The following FNIP2 variants were observed in gnomAD, a reference collection of about 807,000 sequenced individuals.
The protein encoded by FNIP2 is folliculin-interacting protein 2.
A neutral mutation model predicts 108.7 loss-of-function variants in FNIP2; 32 were observed. The observed-to-expected ratio is 0.29, with a 90% CI of 0.22 to 0.40. The LOEUF is 0.40. Ranked by LOEUF, FNIP2 falls within the 10% of genes least tolerant of loss-of-function variation. FNIP2 has a pLI of 1.00. For synonymous variants in FNIP2, 480 were observed against 496.7 expected, an observed-to-expected ratio of 0.97 and a Z score of 0.45; for missense variants, 1,202 against 1,381.6, an observed-to-expected ratio of 0.87 and a Z score of 2.06.
chr4:158,836,807 G>A (rs890598756), intron 7 of FNIP2: 5 of 81,792 alleles, frequency 6.1e-5, no homozygotes, highest in Admixed American at 6.0e-4. Flanking sequence ...CAGAGACTCC[G>A]TCTCAAAAAA....
intron 12 of FNIP2, among the ~76,000 whole-genome samples, chr4:158,864,209 A>T (rs557587514): frequency 6.6e-6 from 1 of 152,088 alleles, no homozygotes; most frequent in East Asian, 1.9e-4. Context: ...AATTTTTGTA[A>T]AGGCAGAGTT....
chr4:158,783,506 G>A (rs35723165), intron 1 of FNIP2, among the ~76,000 whole-genome samples: 1 of 152,054 alleles, frequency 6.6e-6, no homozygotes, highest in African/African-American at 2.4e-5. Flanking sequence ...TTTATTACCT[G>A]TCTGTTCTGA....
At chr4:158,831,034 G>A (rs780874412) in intron 3 of FNIP2, among the ~76,000 whole-genome samples, 1 of 152,198 alleles carries the variant, frequency 6.6e-6, no homozygotes, top group Non-Finnish European at 1.5e-5. Context: ...CGGGCAGTTA[G>A]TAGGGTTGAC....
intron 7 of FNIP2, among the ~76,000 whole-genome samples, chr4:158,846,945 C>T (rs978152609): frequency 5.9e-5 from 9 of 152,150 alleles, no homozygotes; most frequent in African/African-American, 2.2e-4. Flanking sequence ...ATCCCCTGGA[C>T]GTGTGGTGCA....
At chr4:158,786,166 T>C (rs1251518045) in intron 1 of FNIP2, among the ~76,000 whole-genome samples, 1 of 152,226 alleles carries the variant, frequency 6.6e-6, no homozygotes, top group Non-Finnish European at 1.5e-5. Context: ...ATGACCAGTC[T>C]CGTCCGGATT....
In FNIP2 at chr4:158,813,534, A is replaced by G. The variant is rs75251247; in HGVS notation, c.108-12382A>G. 3.6e-3 allele frequency among the ~76,000 whole-genome samples: 544 copies of G among 152,136 alleles called. 2 individuals are homozygous for G. Among genetic ancestry groups the G allele is most frequent in the African/African-American group, 0.012 (515 of 41,492 alleles). ...GCCCATTTTTTCATCAGTTGGTTTG[A>G]TTTCTTACTGAGTTTTAACTGTTCT... On this transcript the variant is annotated intron_variant, in intron 1 of 16. Coordinates refer to ENST00000264433, the MANE Select transcript of FNIP2 (RefSeq NM_020840.3).
chr4:158,811,076 C>A (rs943788744), intron 1 of FNIP2, among the ~76,000 whole-genome samples: 1 of 152,174 alleles, frequency 6.6e-6, no homozygotes, highest in African/African-American at 2.4e-5. Context: ...AAGATTATAA[C>A]TGTCAAAAGT....
At chr4:158,840,133 A>C (rs1318624443) in intron 7 of FNIP2, among the ~76,000 whole-genome samples, 1 of 152,138 alleles carries the variant, frequency 6.6e-6, no homozygotes, top group Non-Finnish European at 1.5e-5. Flanking sequence ...CAGGTTATGG[A>C]GGAGGAAGGA....
Position 158,869,073 on chromosome 4 carries a change from C to T in FNIP2, c.2437C>T (p.Leu813Phe). ...CATGGCAGCAGATATTGCTGGGCAGCTCAGCCACGCTGCTGACTTGGGCAC... is the reference window on the plus strand; with the variant it reads ...CATGGCAGCAGATATTGCTGGGCAGTTCAGCCACGCTGCTGACTTGGGCAC... Reference protein sequence around the residue: ...NDMAADIAGQLSHAADLGTAS... With the variant: ...NDMAADIAGQFSHAADLGTAS... Residue 813 changes from leucine to phenylalanine, a missense_variant, in exon 13 of 17, where the codon CTC (leucine) becomes TTC (phenylalanine). Around this residue, in one of 5 missense-constraint regions of FNIP2, gnomAD observed 878 missense variants for 990.3 expected, o/e 0.89. Transcript: ENST00000264433. 1.2e-6 allele frequency: 2 copies of T among 1,614,000 alleles called. No homozygotes were observed. Among genetic ancestry groups the T allele is most frequent in the Non-Finnish European group, 1.7e-6 (2 of 1,179,886 alleles).
At chr4:158,862,704 ATT>A (rs2126683235) in intron 12 of FNIP2, among the ~76,000 whole-genome samples, 1 of 152,332 alleles carries the variant, frequency 6.6e-6, no homozygotes, top group East Asian at 1.9e-4. Flanking sequence ...AATTGCCCTG[ATT>A]TGATCATTAC....
chr4:158,890,156 T>G, intron 14 of FNIP2: 1 of 985,188 alleles, frequency 1.0e-6, no homozygotes, highest in Non-Finnish European at 1.2e-6. Context: ...TCTCTCATGT[T>G]TAAAATTATT....
chr4:158,870,462 C>T lies in FNIP2; in HGVS notation c.2942C>T (p.Thr981Ile), dbSNP rs1304807345. The change falls in exon 14 of 17, where the codon ACA (threonine) becomes ATA (isoleucine). Residue 981 changes from threonine to isoleucine, a missense_variant. Physicochemically the swap from Thr to Ile is moderately conservative, Grantham distance 89. Around this residue, in one of 5 missense-constraint regions of FNIP2, gnomAD observed 142 missense variants for 183.8 expected, o/e 0.77. Transcript: ENST00000264433. ...KQCLVADLVH[T>I]VHHPVLDEPI... is the part of the protein sequence containing the mutation. Reference sequence around the variant, plus strand: ...TGCCTGGTGGCCGACCTTGTCCACACAGTCCATGTAAGTGATCCCAGTGTG... The same window carrying T: ...TGCCTGGTGGCCGACCTTGTCCACATAGTCCATGTAAGTGATCCCAGTGTG... The T allele has an allele frequency of 1.2e-6, 2 of 1,609,816 alleles. No homozygotes were observed. The highest frequency in any genetic ancestry group is 1.7e-6 in the Non-Finnish European group (2 of 1,177,702).
intron 14 of FNIP2, chr4:158,872,853 C>A (rs2126717384): frequency 4.2e-6 from 3 of 719,434 alleles, no homozygotes; most frequent in Non-Finnish European, 1.7e-6. Flanking sequence ...CTCCATAAAG[C>A]CTAGTGAATA....
chr4:158,864,064 C>T (rs1026456638), intron 12 of FNIP2, among the ~76,000 whole-genome samples: 4 of 152,098 alleles, frequency 2.6e-5, no homozygotes, highest in Admixed American at 6.6e-5. Context: ...GACAGAGTCT[C>T]GCTCTGTCAC....
At chr4:158,881,705 G>C (rs1166447505) in intron 14 of FNIP2, among the ~76,000 whole-genome samples, 1 of 152,172 alleles carries the variant, frequency 6.6e-6, no homozygotes, top group African/African-American at 2.4e-5. Context: ...TGCCAGCCTC[G>C]GCCTCCCGAG....
At chr4:158,770,637 A>G (rs991705975) in intron 1 of FNIP2, among the ~76,000 whole-genome samples, 3 of 152,156 alleles carry the variant, frequency 2.0e-5, no homozygotes, top group African/African-American at 7.2e-5. Context: ...TGTTTTCTTT[A>G]GGCTAACAAG....
chr4:158,832,770 T>A (rs2347078), intron 5 of FNIP2, among the ~76,000 whole-genome samples: 1 of 152,086 alleles, frequency 6.6e-6, no homozygotes, highest in Non-Finnish European at 1.5e-5. Flanking sequence ...TATGAGAATT[T>A]TTATTTATTT....
chr4:158,800,965 A>G (rs1776741701), intron 1 of FNIP2, among the ~76,000 whole-genome samples: 1 of 152,206 alleles, frequency 6.6e-6, no homozygotes, highest in Non-Finnish European at 1.5e-5. Flanking sequence ...TCTAGATTAT[A>G]ATTAGGAACT....
chr4:158,848,579 A>G (rs1379296095), intron 7 of FNIP2, among the ~76,000 whole-genome samples: 1 of 152,166 alleles, frequency 6.6e-6, no homozygotes, highest in South Asian at 2.1e-4. Context: ...ACTGACATCT[A>G]CAAGCATAAA....
Sources: gnomAD v4.1 joint callset for allele counts (sites outside exome capture counted in the v4.1 genomes callset) on GRCh38, gnomAD v4.1.1 for gene constraint, gnomAD v4.1.1 regional missense constraint, MANE v1.5 for transcripts, NCBI Gene and HGNC (gene_info 2026-07-23, HGNC 2026-07-21) for gene names.